Variants in DLG2 observed in about 807,000 individuals in gnomAD.
The protein encoded by DLG2 is disks large homolog 2.
In DLG2, 45 loss-of-function variants were observed where a neutral mutation model predicts 132.5. That is an observed-to-expected ratio of 0.34 (90% CI 0.27 to 0.44). The LOEUF is 0.44. Ranked by LOEUF, DLG2 falls within the 20% of genes least tolerant of loss-of-function variation. The probability of loss-of-function intolerance (pLI) is 1.00; values close to 1 mark genes in which losing one functional copy is unlikely to be tolerated. For synonymous variants in DLG2, 424 were observed against 419.6 expected, an observed-to-expected ratio of 1.01 and a Z score of -0.13; for missense variants, 1,045 against 1,196.9, an observed-to-expected ratio of 0.87 and a Z score of 1.87.
intron 6 of DLG2, among the ~76,000 whole-genome samples, chr11:84,804,752 T>C (rs531103907): frequency 1.6e-4 from 25 of 152,202 alleles, no homozygotes; most frequent in African/African-American, 4.3e-4. Flanking sequence ...TGCACAACAA[T>C]CTGTGACCCT....
intron 7 of DLG2, among the ~76,000 whole-genome samples, chr11:84,336,134 C>T (rs1468281191): frequency 3.3e-5 from 5 of 152,130 alleles, no homozygotes; most frequent in Non-Finnish European, 7.3e-5. Flanking sequence ...GGGGCCCATG[C>T]TTTGCCACTT....
At chr11:83,472,844 C>G in intron 22 of DLG2, 67 bp from the exon 23 acceptor site, 1 of 1,347,324 alleles carries the variant, frequency 7.4e-7, no homozygotes, top group Non-Finnish European at 1.1e-6. Flanking sequence ...AAGCCCTGCT[C>G]TGAAACACAG....
At chr11:85,064,763 G>C (rs767690813) in intron 6 of DLG2, among the ~76,000 whole-genome samples, 7 of 151,298 alleles carry the variant, frequency 4.6e-5, no homozygotes, top group Non-Finnish European at 1.5e-5. Context: ...AATATGGATG[G>C]GTCTTATCCA....
intron 8 of DLG2, among the ~76,000 whole-genome samples, chr11:84,197,061 G>GA (rs2096530821): frequency 8.0e-6 from 1 of 125,284 alleles, no homozygotes. Context: ...AAAAAAGAAA[G>GA]AAAAGAAAAA....
chr11:85,159,708 G>C lies in DLG2; in HGVS notation c.187-5057C>G, dbSNP rs113666344. Among the ~76,000 whole-genome samples, 286 of 152,278 alleles carry C rather than the reference G, an allele frequency of 1.9e-3. 1 individual carries two copies. The highest frequency in any genetic ancestry group is 6.7e-3 in the African/African-American group (278 of 41,548). On this transcript the variant is annotated intron_variant, in intron 4 of 27. Transcript: ENST00000376104. ...TACCTGCTATGCAGCCATTGGCTTGGCAAATGACTTTTTCTCCATTCCTGT... is the reference window on the plus strand; with the variant it reads ...TACCTGCTATGCAGCCATTGGCTTGCCAAATGACTTTTTCTCCATTCCTGT...
chr11:84,660,330 T>A (rs1355736976), intron 6 of DLG2, among the ~76,000 whole-genome samples: 1 of 152,134 alleles, frequency 6.6e-6, no homozygotes, highest in East Asian at 1.9e-4. Flanking sequence ...TCCTCTTAAC[T>A]CCCAGGATCC....
chr11:84,914,375 G>C (rs2092321985), intron 6 of DLG2, among the ~76,000 whole-genome samples: 1 of 152,182 alleles, frequency 6.6e-6, no homozygotes. Flanking sequence ...CCAAGACACA[G>C]TACAATATCA....
At chr11:84,650,867 G>GTATA (rs1158584073) in intron 6 of DLG2, among the ~76,000 whole-genome samples, 136 of 95,622 alleles carry the variant, frequency 1.4e-3, no homozygotes, top group African/African-American at 6.7e-3. Flanking sequence ...GTGTGTGTGT[G>GTATA]TGTGTGTATA....
rs778115924 is a variant in DLG2 at position 85,285,211 on chromosome 11, G to C, written c.186+9C>G. 8 of 1,609,238 alleles carry C rather than the reference G, an allele frequency of 5.0e-6. No homozygotes were observed. The Admixed American group carries it at 8.4e-5, about 17-fold the overall frequency. ...TTATTCAGTTCTTTTGGAAGTTTCAGTAGTATACCTCTGAAGATTTTTGAA... is the reference window on the plus strand; with the variant it reads ...TTATTCAGTTCTTTTGGAAGTTTCACTAGTATACCTCTGAAGATTTTTGAA... On this transcript the variant is annotated intron_variant, in intron 4 of 27. Transcript: ENST00000376104.
chr11:85,026,540 A>T (rs1228370327), intron 6 of DLG2, among the ~76,000 whole-genome samples: 1 of 152,186 alleles, frequency 6.6e-6, no homozygotes, highest in Non-Finnish European at 1.5e-5. Flanking sequence ...AATATTTAAA[A>T]TAAGCATATT....
intron 11 of DLG2, among the ~76,000 whole-genome samples, chr11:84,003,297 A>G (rs970377185): frequency 2.0e-5 from 3 of 152,128 alleles, no homozygotes; most frequent in Non-Finnish European, 4.4e-5. Flanking sequence ...TGAGCCCTCA[A>G]AACTTTTCCA....
intron 2 of DLG2, among the ~76,000 whole-genome samples, chr11:85,612,049 G>C (rs2081044611): frequency 6.6e-6 from 1 of 152,134 alleles, no homozygotes; most frequent in South Asian, 2.1e-4. Context: ...AGATACAAAG[G>C]AGTCAAAGAG....
intron 11 of DLG2, among the ~76,000 whole-genome samples, chr11:84,034,855 T>C (rs1287724222): frequency 6.6e-6 from 1 of 152,212 alleles, no homozygotes; most frequent in Non-Finnish European, 1.5e-5. Context: ...GGTATCTTTT[T>C]CTGGGGAACA....
At chr11:85,426,788 A>T (rs1047539993) in intron 3 of DLG2, among the ~76,000 whole-genome samples, 2 of 152,250 alleles carry the variant, frequency 1.3e-5, no homozygotes, top group Non-Finnish European at 2.9e-5. Context: ...AATGACTTCA[A>T]TGAGTTGAGA....
chr11:84,001,471 G>T (rs2094342229), intron 11 of DLG2, among the ~76,000 whole-genome samples: 1 of 151,990 alleles, frequency 6.6e-6, no homozygotes, highest in South Asian at 2.1e-4. Flanking sequence ...TACTAGTTCT[G>T]AAGAGAAAGA....
intron 7 of DLG2, among the ~76,000 whole-genome samples, chr11:84,276,819 T>C (rs1337674193): frequency 1.3e-5 from 2 of 152,118 alleles, no homozygotes; most frequent in Non-Finnish European, 2.9e-5. Context: ...TTCATGACAA[T>C]TGCACTTCCA....
intron 6 of DLG2, among the ~76,000 whole-genome samples, chr11:85,098,498 ATT>A (rs1361340274): frequency 3.9e-5 from 6 of 152,218 alleles, no homozygotes; most frequent in Non-Finnish European, 1.5e-5. Context: ...GATTTTAGAT[ATT>A]AAGTTTTAGC....
chr11:83,752,829 G>A (rs1300598429), intron 18 of DLG2, among the ~76,000 whole-genome samples: 2 of 152,160 alleles, frequency 1.3e-5, no homozygotes, highest in East Asian at 1.9e-4. Flanking sequence ...AGAAATATGG[G>A]AAATTCATCC....
intron 3 of DLG2, among the ~76,000 whole-genome samples, chr11:85,531,224 G>T (rs1188402748): frequency 6.6e-6 from 1 of 152,170 alleles, no homozygotes; most frequent in Non-Finnish European, 1.5e-5. Context: ...GATGAGTGTT[G>T]TTATTCCCTT....
Sources: allele counts gnomAD v4.1 joint callset (sites outside exome capture counted in the v4.1 genomes callset), GRCh38; gene constraint gnomAD v4.1.1; transcripts MANE v1.5; gene names NCBI Gene and HGNC (gene_info 2026-07-23, HGNC 2026-07-21).